The following GPM6B variants were observed in gnomAD, a reference collection of about 807,000 sequenced individuals.
GPM6B encodes the protein neuronal membrane glycoprotein M6-b.
A neutral mutation model predicts 27.2 loss-of-function variants in GPM6B; 4 were observed. That is an observed-to-expected ratio of 0.15 (90% CI 0.07 to 0.34). The LOEUF (loss-of-function observed/expected upper bound fraction) is 0.34. Ranked by LOEUF, GPM6B falls within the 10% of genes least tolerant of loss-of-function variation. The pLI, the probability that GPM6B is intolerant of heterozygous loss-of-function variation, is 1.00. For synonymous variants in GPM6B, 124 were observed against 103.1 expected (o/e 1.20, Z -1.23); for missense variants, 183 against 261.9 (o/e 0.70, Z 2.08).
Position 13,900,847 on chromosome X carries a change from A to C in GPM6B, c.-198+37480T>G, listed in dbSNP as rs1014365721. On this transcript the variant is annotated intron_variant, in intron 1 of 6. Coordinates refer to the GPM6B transcript ENST00000398361. The stretch of plus-strand genomic sequence containing the variant: ...CTCTCTAGCCCATTTTTCTCTGACA[A>C]GGCTTCCAACTAATAACATTTCACA... Among the ~76,000 whole-genome samples, 4 of 112,028 alleles carry C rather than the reference A, an allele frequency of 3.6e-5. 1 individual carries two copies. In the East Asian group the frequency reaches 1.1e-3, roughly 31 times the overall value.
intron 1 of GPM6B, among the ~76,000 whole-genome samples, chrX:13,907,331 A>G (rs1467624591): frequency 8.9e-6 from 1 of 112,384 alleles, no homozygotes; most frequent in African/African-American, 3.2e-5. Context: ...GAGGGGTAAT[A>G]CCAGGATTTA....
At chrX:13,862,695 T>C (rs1603091196) in intron 1 of GPM6B, among the ~76,000 whole-genome samples, 1 of 111,602 alleles carries the variant, frequency 9.0e-6, no homozygotes. Context: ...TACTATTTTT[T>C]ATTTTTATTT....
intron 1 of GPM6B, among the ~76,000 whole-genome samples, chrX:13,878,354 G>A (rs1319118052): frequency 1.8e-5 from 2 of 110,093 alleles, no homozygotes; most frequent in African/African-American, 3.3e-5. Context: ...GGGAAGGTGG[G>A]GGAAGGGGTA....
At chrX:13,901,745 C>T (rs192858644) in intron 1 of GPM6B, among the ~76,000 whole-genome samples, 11 of 111,482 alleles carry the variant, frequency 9.9e-5, no homozygotes, top group African/African-American at 3.6e-4. Flanking sequence ...CTTGGTGAAA[C>T]TGAGCATAGG....
chrX:13,922,290 C>T (rs1246015926), intron 1 of GPM6B, among the ~76,000 whole-genome samples: 1 of 111,442 alleles, frequency 9.0e-6, no homozygotes, highest in Non-Finnish European at 1.9e-5. Context: ...ATGCCAGGAG[C>T]ACCTCCCCAT....
At chrX:13,910,490 C>T (rs1328277558) in intron 1 of GPM6B, among the ~76,000 whole-genome samples, 1 of 113,121 alleles carries the variant, frequency 8.8e-6, no homozygotes, top group Non-Finnish European at 1.9e-5. Context: ...TTGGCATTAG[C>T]CTCATCAAGT....
At chrX:13,851,204 G>GT (rs1221267186) in intron 1 of GPM6B, among the ~76,000 whole-genome samples, 2 of 109,343 alleles carry the variant, frequency 1.8e-5, no homozygotes, top group Non-Finnish European at 3.8e-5. Context: ...TCTGAATGGG[G>GT]TTCTACCTCG....
chrX:13,923,531 T>G (rs1392647314), intron 1 of GPM6B, among the ~76,000 whole-genome samples: 2 of 112,680 alleles, frequency 1.8e-5, no homozygotes, highest in Admixed American at 9.4e-5. Context: ...GCCCAAGTGC[T>G]GGCCCCTTCT....
chrX:13,892,734 G>A lies in GPM6B; in HGVS notation c.-198+45593C>T, dbSNP rs189810829. ...TAATACTGTTTACCCAGTAAATACAGGGTGAATTATCATTTTAGTCCCTCC... is the reference window on the plus strand; with the variant it reads ...TAATACTGTTTACCCAGTAAATACAAGGTGAATTATCATTTTAGTCCCTCC... On this transcript the variant is annotated intron_variant, in intron 1 of 6. Coordinates refer to the GPM6B transcript ENST00000398361. 2.7e-5 allele frequency among the ~76,000 whole-genome samples: 3 copies of A among 111,509 alleles called. No homozygotes were observed. In the Admixed American group the frequency reaches 2.9e-4, roughly 11 times the overall value.
chrX:13,923,538 T>A (rs1921027348), intron 1 of GPM6B, among the ~76,000 whole-genome samples: 1 of 112,579 alleles, frequency 8.9e-6, no homozygotes, highest in Non-Finnish European at 1.9e-5. Flanking sequence ...TGCTGGCCCC[T>A]TCTTCGCAGG....
rs142596833 is a variant in GPM6B, at chrX:13,815,567, A to G, written c.61+1277T>C. Among the ~76,000 whole-genome samples the G allele has an allele frequency of 5.8e-3, 649 of 111,580 alleles. 9 individuals carry two copies. The highest frequency in any genetic ancestry group is 0.02 in the African/African-American group (600 of 30,717). The stretch of plus-strand genomic sequence containing the variant: ...CAAACGATTTTAAAATTAAGGTGCT[A>G]TGTACTTAATGCCACTGAATCGTAT... On this transcript the variant is annotated intron_variant, in intron 1 of 7. Coordinates refer to ENST00000316715, the MANE Select transcript of GPM6B (RefSeq NM_001001995.3).
intron 1 of GPM6B, among the ~76,000 whole-genome samples, chrX:13,931,197 A>AAACAAC (rs35581266): frequency 2.8e-5 from 3 of 106,427 alleles, no homozygotes; most frequent in Admixed American, 1.0e-4. Flanking sequence ...AACAAAAACA[A>AAACAAC]AACAACAACA....
chrX:13,916,629 A>C (rs2050431079), intron 1 of GPM6B, among the ~76,000 whole-genome samples: 1 of 105,496 alleles, frequency 9.5e-6, no homozygotes, highest in Admixed American at 1.0e-4. Flanking sequence ...GCACTGTTTA[A>C]GTTTGTTTGA....
intron 1 of GPM6B, among the ~76,000 whole-genome samples, chrX:13,814,300 G>A (rs1271021764): frequency 8.9e-6 from 1 of 112,043 alleles, no homozygotes; most frequent in East Asian, 2.8e-4. Flanking sequence ...CAAATTAAGA[G>A]ACAGGCATCA....
At chrX:13,936,553 C>T (rs900724347) in intron 1 of GPM6B, among the ~76,000 whole-genome samples, 1 of 112,103 alleles carries the variant, frequency 8.9e-6, no homozygotes, top group Non-Finnish European at 1.9e-5. Flanking sequence ...CAGTTCATGG[C>T]CCTGTGGTGT....
upstream of GPM6B, among the ~76,000 whole-genome samples, chrX:13,821,606 T>C (rs2049308145): frequency 8.9e-6 from 1 of 112,214 alleles, no homozygotes; most frequent in Non-Finnish European, 1.9e-5. Flanking sequence ...TTTTTCTTTT[T>C]CTTTTTTGAG....
intron 4 of GPM6B, chrX:13,780,921 G>A (rs771309718): frequency 7.0e-5 from 22 of 316,388 alleles, no homozygotes; most frequent in East Asian, 6.6e-4. Context: ...ATACCTGGGC[G>A]GTTGGAGGCC....
rs184051966 is a variant in GPM6B, at chrX:13,838,277, G to A, written c.-197-52469C>T. ...ATGAGTTCTAAAACTTCAACAGGCT[G>A]GAGCTAGCAAAACAGACTGCGATGT... On this transcript the variant is annotated intron_variant, in intron 1 of 6. Coordinates refer to the GPM6B transcript ENST00000398361. Among the ~76,000 whole-genome samples the A allele has an allele frequency of 1.7e-4, 19 of 112,070 alleles. 1 individual carries two copies. In the East Asian group the frequency reaches 2.0e-3, roughly 12 times the overall value.
At chrX:13,898,098 T>C (rs1182949921) in intron 1 of GPM6B, among the ~76,000 whole-genome samples, 1 of 111,572 alleles carries the variant, frequency 9.0e-6, no homozygotes, top group Non-Finnish European at 1.9e-5. Flanking sequence ...TCTGTATTTG[T>C]CCATGCTGCT....
Sources: allele counts gnomAD v4.1 joint callset (sites outside exome capture counted in the v4.1 genomes callset), GRCh38; gene constraint gnomAD v4.1.1; transcripts MANE v1.5; gene names NCBI Gene and HGNC (gene_info 2026-07-23, HGNC 2026-07-21).